PTPRA: variants seen among roughly 807,000 people sequenced by gnomAD.
The protein encoded by PTPRA is protein tyrosine phosphatase receptor type A, also known as receptor-type tyrosine-protein phosphatase alpha.
Under a neutral mutation model 104.8 loss-of-function variants are expected in PTPRA, and 25 were observed. That is an observed-to-expected ratio of 0.24 (90% CI 0.17 to 0.33). PTPRA has a LOEUF of 0.33. Ranked by LOEUF, PTPRA falls within the 10% of genes least tolerant of loss-of-function variation. The pLI is 1.00. For synonymous variants in PTPRA, 323 were observed against 368.9 expected, an observed-to-expected ratio of 0.88 and a Z score of 1.43; for missense variants, 765 against 1,015.3, an observed-to-expected ratio of 0.75 and a Z score of 3.35.
intron 3 of PTPRA, among the ~76,000 whole-genome samples, chr20:2,952,868 A>G (rs1201712900): frequency 6.6e-6 from 1 of 152,174 alleles, no homozygotes; most frequent in African/African-American, 2.4e-5. Flanking sequence ...AGTTTCATCC[A>G]TGTGGTAGCA....
intron 5 of PTPRA, among the ~76,000 whole-genome samples, chr20:2,974,071 C>T (rs1239041847): frequency 6.6e-6 from 1 of 151,720 alleles, no homozygotes; most frequent in Non-Finnish European, 1.5e-5. Context: ...CTGCCTCAGC[C>T]TCCCAAGTAG....
chr20:2,910,344 GTATATTATATATTTTA>G, intron 1 of PTPRA, among the ~76,000 whole-genome samples: 1 of 70,332 alleles, frequency 1.4e-5, no homozygotes, highest in Non-Finnish European at 2.7e-5. Flanking sequence ...AATATATTTT[GTATATTATATATTTTA>G]TATATAATAT....
chr20:2,993,999 C>G (rs1400918292), intron 9 of PTPRA, among the ~76,000 whole-genome samples: 1 of 152,198 alleles, frequency 6.6e-6, no homozygotes, highest in African/African-American at 2.4e-5. Flanking sequence ...GAAGCCACCT[C>G]AGGCCAAAAT....
chr20:2,962,533 A>T lies in PTPRA; in HGVS notation c.-6-1739A>T, dbSNP rs140128665. ...AGAATAGACATGTATACATATACAT[A>T]TATAATAGTCAGCCTTCCACTTGTT... is the stretch of plus-strand genomic sequence containing the variant. On this transcript the variant is annotated intron_variant, in intron 3 of 23. Transcript: ENST00000399903. 3.3e-3 allele frequency among the ~76,000 whole-genome samples: 497 copies of T among 152,324 alleles called. 4 individuals carry two copies. The highest frequency in any genetic ancestry group is 0.011 in the African/African-American group (476 of 41,568).
chr20:3,034,083 C>T (rs536827545), intron 20 of PTPRA, among the ~76,000 whole-genome samples: 28 of 151,974 alleles, frequency 1.8e-4, no homozygotes, highest in African/African-American at 1.7e-4. Context: ...CCAGCCTGGC[C>T]GACATGGTGA....
chr20:2,882,098 C>G (rs957042248), intron 1 of PTPRA, among the ~76,000 whole-genome samples: 1 of 152,094 alleles, frequency 6.6e-6, no homozygotes, highest in South Asian at 2.1e-4. Flanking sequence ...GACTGATGTA[C>G]TACATGGAAA....
chr20:2,910,038 A>G (rs1298784506), intron 1 of PTPRA, among the ~76,000 whole-genome samples: 2 of 122,900 alleles, frequency 1.6e-5, no homozygotes, highest in East Asian at 2.1e-4. Context: ...ATATCATATC[A>G]TATATAATAT....
Position 2,884,873 on chromosome 20 carries a change from G to A in PTPRA, c.-129+11113G>A, listed in dbSNP as rs535682294. ...CGCCCAGGCTGGAGTGCAGTGACAC[G>A]ATTTTGGCTCACTGCAAGCTCTGCC... On this transcript the variant is annotated intron_variant, in intron 1 of 23. Transcript: ENST00000399903. Among the ~76,000 whole-genome samples, 145 of 149,112 alleles carry A rather than the reference G, an allele frequency of 9.7e-4. 1 individual carries two copies. Among genetic ancestry groups the A allele is most frequent in the Non-Finnish European group, 2.0e-3 (133 of 67,724 alleles).
rs1600259954 is a variant in PTPRA, at chr20:3,017,712, C to T, written c.944-104C>T. 1.0e-5 allele frequency: 9 copies of T among 893,564 alleles called. No homozygotes were observed. In the East Asian group the frequency reaches 1.7e-4, roughly 17 times the overall value. 55.4% of individuals were successfully genotyped at this position (893,564 alleles called of 1,614,324 possible). ...CATGGGTTAGATATTTAGCTGGGGA[C>T]ATTTGGGCACAAGCTTCCAAAAGTC... On this transcript the variant is annotated intron_variant, in intron 12 of 23. Transcript: ENST00000399903.
chr20:2,871,787 G>C (rs1437865672), upstream of PTPRA, among the ~76,000 whole-genome samples: 1 of 152,224 alleles, frequency 6.6e-6, no homozygotes, highest in Non-Finnish European at 1.5e-5. Context: ...CACCCTCACT[G>C]GGGTCTGAGC....
At chr20:2,891,924 T>A (rs934532298) in intron 1 of PTPRA, among the ~76,000 whole-genome samples, 27 of 152,192 alleles carry the variant, frequency 1.8e-4, no homozygotes, top group African/African-American at 6.3e-4. Context: ...ACTGTATTTT[T>A]AAGTTTGTTT....
upstream of PTPRA, among the ~76,000 whole-genome samples, chr20:2,868,853 A>G (rs1485092425): frequency 6.6e-6 from 1 of 152,018 alleles, no homozygotes; most frequent in African/African-American, 2.4e-5. Context: ...CATACAGTAT[A>G]TTTACTCATA....
intron 5 of PTPRA, among the ~76,000 whole-genome samples, chr20:2,969,784 G>T (rs1004851570): frequency 1.3e-5 from 2 of 150,762 alleles, no homozygotes; most frequent in African/African-American, 4.9e-5. Flanking sequence ...GGCTAACATG[G>T]TGAAACCCCA....
chr20:3,035,876 C>T lies in PTPRA; in HGVS notation c.2133C>T (p.Ser711=). 1 of 1,614,144 alleles carries T rather than the reference C, an allele frequency of 6.2e-7. No individual in the cohort carries two copies. The highest frequency in any genetic ancestry group is 8.5e-7 in the Non-Finnish European group (1 of 1,180,048). ...GIPSDGKGMI[S]IIAAVQKQQQ... ...CCAGTGACGGAAAGGGCATGATCAG[C>T]ATCATCGCCGCCGTGCAGAAGCAGC... The change falls in exon 22 of 24, where the codon AGC becomes AGT. Residue 711 remains serine, a synonymous_variant. Transcript: ENST00000399903. This position sits in a 1 kb window ranked among gnomAD's most constrained non-coding sequence, Gnocchi z 5.8.
In PTPRA at chr20:2,944,047, T is replaced by TTC. The variant is rs2061032008; in HGVS notation, c.-49-3934_-49-3933insCT. On this transcript the variant is annotated intron_variant, in intron 2 of 23. Transcript: ENST00000399903. ...TTGGTTCCTCTACTGGTCTTTTTTT[T>TTC]TTTTTTTTTTTTAGACAGGGTCTCA... is the stretch of plus-strand genomic sequence containing the variant. Among the ~76,000 whole-genome samples the TTC allele has an allele frequency of 2.7e-5, 4 of 149,904 alleles. 1 individual carries two copies. In the East Asian group the frequency reaches 7.8e-4, roughly 29 times the overall value.
chr20:2,975,181 G>C, intron 5 of PTPRA, 34 bp from the exon 6 acceptor site: 1 of 1,542,634 alleles, frequency 6.5e-7, no homozygotes, highest in African/African-American at 1.4e-5. Flanking sequence ...TCTTTAACCT[G>C]AATGAATGTT....
intron 2 of PTPRA, among the ~76,000 whole-genome samples, chr20:2,945,949 T>A (rs2061113589): frequency 6.6e-6 from 1 of 150,720 alleles, no homozygotes. Context: ...TGCGTGTGTG[T>A]ATATATATAT....
At chr20:2,976,223 C>G (rs1346724234) in intron 6 of PTPRA, among the ~76,000 whole-genome samples, 2 of 152,198 alleles carry the variant, frequency 1.3e-5, no homozygotes, top group African/African-American at 4.8e-5. Flanking sequence ...AATACAGTGT[C>G]TTTGCTGTTC....
Position 2,883,434 on chromosome 20 carries a change from C to T in PTPRA, c.-129+9674C>T, listed in dbSNP as rs1207980777. Among the ~76,000 whole-genome samples the T allele has an allele frequency of 1.3e-4, 3 of 23,230 alleles. 1 individual carries two copies. The highest frequency in any genetic ancestry group is 1.8e-4 in the Non-Finnish European group (3 of 16,448). 15.2% of individuals were successfully genotyped at this position (23,230 alleles called of 152,430 possible). On this transcript the variant is annotated intron_variant, in intron 1 of 23. Coordinates refer to ENST00000399903, the MANE Select transcript of PTPRA (RefSeq NM_001385305.1). ...TTGGGAGGCCGAGGCGGGCGGATCA[C>T]GAGGTCAGGAGATCGAGACCATCCT...
Sources: allele counts gnomAD v4.1 joint callset (sites outside exome capture counted in the v4.1 genomes callset), GRCh38; gene constraint gnomAD v4.1.1; non-coding constraint Gnocchi (gnomAD v3.1); transcripts MANE v1.5; gene names NCBI Gene and HGNC (gene_info 2026-07-23, HGNC 2026-07-21).